The following TFPI variants were observed in gnomAD, a reference collection of about 807,000 sequenced individuals.
The protein encoded by TFPI is anti-convertin.
A neutral mutation model predicts 34.6 loss-of-function variants in TFPI; 15 were observed. The observed-to-expected ratio is 0.43, with a 90% CI of 0.29 to 0.67. TFPI has a LOEUF of 0.67. Among genes scored for constraint, TFPI ranks in the 30% least tolerant of loss-of-function variants. The pLI is 0.15. For synonymous variants in TFPI, 105 were observed against 120.1 expected, an observed-to-expected ratio of 0.87 and a Z score of 0.82; for missense variants, 301 against 364.0, an observed-to-expected ratio of 0.83 and a Z score of 1.41.
chr2:187,484,699 A>G, intron 5 of TFPI, 112 bp downstream of exon 5: 1 of 929,234 alleles, frequency 1.1e-6, no homozygotes, highest in Non-Finnish European at 1.6e-6. Flanking sequence ...ACACAAATAT[A>G]TCTTCATTTG....
At chr2:187,506,353 T>TA (rs986532608) in intron 1 of TFPI, among the ~76,000 whole-genome samples, 18 of 151,050 alleles carry the variant, frequency 1.2e-4, no homozygotes, top group African/African-American at 2.9e-4. Flanking sequence ...GTTTTAGATT[T>TA]AAAAAAAAAT....
At position 187,473,818 on chromosome 2, in the gene TFPI, C is replaced by T. The variant is rs541365877; in HGVS notation, c.629-5886G>A. Among the ~76,000 whole-genome samples, 29 of 150,256 alleles carry T rather than the reference C, an allele frequency of 1.9e-4. No homozygotes were observed. The South Asian group carries it at 3.5e-3, about 18-fold the overall frequency. On this transcript the variant is annotated intron_variant, in intron 6 of 7. Transcript: ENST00000233156. ...ACTGTGGAGCTTTTTTTTTTCCCCCCGCATGTGTATACTGGGCCACTTACC... is the reference window on the plus strand; with the variant it reads ...ACTGTGGAGCTTTTTTTTTTCCCCCTGCATGTGTATACTGGGCCACTTACC...
chr2:187,538,591 C>T (rs1046445085), intron 1 of TFPI, among the ~76,000 whole-genome samples: 27 of 151,966 alleles, frequency 1.8e-4, no homozygotes, highest in African/African-American at 6.0e-4. Context: ...GTCAGGGGTT[C>T]GTGGGACTAG....
Position 187,470,085 on chromosome 2 carries a change from C to CT in TFPI, c.629-2154dup, listed in dbSNP as rs539149100. Among the ~76,000 whole-genome samples, 160 of 152,190 alleles carry CT rather than the reference C, an allele frequency of 1.1e-3. 1 individual carries two copies. The highest frequency in any genetic ancestry group is 2.2e-3 in the Admixed American group (34 of 15,266). On this transcript the variant is annotated intron_variant, in intron 6 of 7. Coordinates refer to ENST00000233156, the MANE Select transcript of TFPI (RefSeq NM_006287.6). ...CAGAGAAAACAGGAAATTACTATCG[C>CT]TTTTTTTCCTGTTTAAACACCCACA...
chr2:187,535,538 A>C (rs1688203342), intron 1 of TFPI, among the ~76,000 whole-genome samples: 2 of 152,230 alleles, frequency 1.3e-5, no homozygotes, highest in Admixed American at 1.3e-4. Context: ...GAAACCAATG[A>C]GAATAAAGAC....
intron 3 of TFPI, among the ~76,000 whole-genome samples, chr2:187,491,175 G>A (rs1435757332): frequency 6.6e-6 from 1 of 151,688 alleles, no homozygotes; most frequent in African/African-American, 2.4e-5. Context: ...TCAGTTCTTT[G>A]TTTTTTCTTT....
In TFPI at chr2:187,504,686, G is replaced by C. The variant is rs192144078; in HGVS notation, c.-2-916C>G. On this transcript the variant is annotated intron_variant, in intron 1 of 7. Coordinates refer to ENST00000233156, the MANE Select transcript of TFPI (RefSeq NM_006287.6). ...GATCATGCAACACAGAAAAATAAAAGAAGAGAACACTTGCTTCCTTCCTGT... is the reference window on the plus strand; with the variant it reads ...GATCATGCAACACAGAAAAATAAAACAAGAGAACACTTGCTTCCTTCCTGT... 1.1e-4 allele frequency among the ~76,000 whole-genome samples: 17 copies of C among 151,962 alleles called. No homozygotes were observed. The East Asian group carries it at 3.3e-3, about 29-fold the overall frequency.
intron 3 of TFPI, among the ~76,000 whole-genome samples, chr2:187,493,248 G>T (rs1006541858): frequency 6.6e-6 from 1 of 152,124 alleles, no homozygotes; most frequent in East Asian, 1.9e-4. Context: ...AGTTGCCAAG[G>T]CTCGAGGCTT....
chr2:187,491,767 GGGA>G (rs1310732936), intron 3 of TFPI, among the ~76,000 whole-genome samples: 9 of 151,992 alleles, frequency 5.9e-5, no homozygotes, highest in Non-Finnish European at 1.0e-4. Flanking sequence ...TTAGGTCTTT[GGGA>G]AATCTCCATA....
Position 187,540,311 on chromosome 2 carries a change from A to T in TFPI, c.-3+13889T>A, listed in dbSNP as rs576981788. Reference sequence around the variant, plus strand: ...TTGCAAAATAAGATGGAAAAAACATAGTGTGTCAATAAATCATATCATACT... The same window carrying T: ...TTGCAAAATAAGATGGAAAAAACATTGTGTGTCAATAAATCATATCATACT... On this transcript the variant is annotated intron_variant, in intron 1 of 7. Transcript: ENST00000233156. Among the ~76,000 whole-genome samples the T allele has an allele frequency of 2.8e-3, 428 of 152,338 alleles. 2 individuals carry two copies. The highest frequency in any genetic ancestry group is 4.5e-3 in the Non-Finnish European group (304 of 68,034).
At chr2:187,507,384 T>C (rs1485020271) in intron 1 of TFPI, among the ~76,000 whole-genome samples, 2 of 152,046 alleles carry the variant, frequency 1.3e-5, no homozygotes, top group African/African-American at 4.8e-5. Context: ...AGCGTCTTTA[T>C]GTAGAATGAT....
intron 2 of TFPI, 75 bp from the exon 3 acceptor site, chr2:187,497,153 A>G (rs1409109994): frequency 7.6e-7 from 1 of 1,314,148 alleles, no homozygotes; most frequent in Non-Finnish European, 1.0e-6. Flanking sequence ...TTCCTTTTTA[A>G]TATGTCCTGA....
Position 187,484,893 on chromosome 2 carries a change from T to A in TFPI, c.453A>T (p.Glu151Asp), listed in dbSNP as rs947962035. The change falls in exon 5 of 8, where the codon GAA becomes GAT. Residue 151 changes from glutamate (E) to aspartate (D), a missense_variant. Glu to Asp is a conservative substitution (Grantham distance 45, BLOSUM62 2). Coordinates refer to ENST00000233156, the MANE Select transcript of TFPI (RefSeq NM_006287.6). ...CCAGGCATCCACCATACTTGAAACG[T>A]TCACACTGTTTTGTCTGATTGTTAT... ...YFYNNQTKQC[E>D]RFKYGGCLGN... 1 of 1,595,398 alleles carries A rather than the reference T, an allele frequency of 6.3e-7. No homozygotes were observed. The highest frequency in any genetic ancestry group is 1.4e-5 in the African/African-American group (1 of 73,958).
intron 1 of TFPI, chr2:187,547,408 T>C (rs1688923276): frequency 6.6e-6 from 1 of 152,172 alleles, no homozygotes; most frequent in Admixed American, 6.5e-5. Flanking sequence ...GGAGAGTATT[T>C]TTAGTAATAA....
chr2:187,511,340 G>A (rs1486917467), intron 1 of TFPI, among the ~76,000 whole-genome samples: 2 of 152,108 alleles, frequency 1.3e-5, no homozygotes, highest in African/African-American at 4.8e-5. Context: ...TTGATACTTT[G>A]GTTTTGGTTT....
At chr2:187,550,774 T>C (rs13411086) in intron 1 of TFPI, among the ~76,000 whole-genome samples, 27,096 of 152,056 alleles carry the variant, frequency 0.18, 2,900 homozygotes, top group East Asian at 0.31. Context: ...CTTTGAAGCT[T>C]CCTAAATGGA....
intron 2 of TFPI, among the ~76,000 whole-genome samples, chr2:187,498,246 TCAAAA>T (rs1461351803): frequency 4.6e-5 from 7 of 151,830 alleles, no homozygotes; most frequent in Admixed American, 1.3e-4. Context: ...TATGATTGTC[TCAAAA>T]GAAATCAGTT....
intron 1 of TFPI, among the ~76,000 whole-genome samples, chr2:187,536,442 A>G (rs1056074809): frequency 6.6e-6 from 1 of 152,238 alleles, no homozygotes; most frequent in African/African-American, 2.4e-5. Context: ...ATGCAAATCA[A>G]TAAACTTAAT....
chr2:187,523,737 C>T (rs1234313010), intron 1 of TFPI, among the ~76,000 whole-genome samples: 4 of 152,010 alleles, frequency 2.6e-5, no homozygotes, highest in East Asian at 1.9e-4. Context: ...ATTCATCCTC[C>T]TCCTTCCCTC....
Sources: gnomAD v4.1 joint callset for allele counts (sites outside exome capture counted in the v4.1 genomes callset) on GRCh38, gnomAD v4.1.1 for gene constraint, MANE v1.5 for transcripts, NCBI Gene and HGNC (gene_info 2026-07-23, HGNC 2026-07-21) for gene names.